Variants in SIPA1L1 observed in about 807,000 individuals in gnomAD.
SIPA1L1 encodes the protein signal-induced proliferation-associated 1-like protein 1.
In SIPA1L1, 26 loss-of-function variants were observed where a neutral mutation model predicts 162.7. The ratio of observed to expected loss-of-function variants is 0.16; its 90% CI spans 0.12 to 0.22. The LOEUF is 0.22. Ranked by LOEUF, SIPA1L1 falls within the 10% of genes least tolerant of loss-of-function variation. SIPA1L1 has a pLI of 1.00. For synonymous variants in SIPA1L1, 829 were observed against 837.4 expected (o/e 0.99, Z 0.17); for missense variants, 1,874 against 2,241.0 (o/e 0.84, Z 3.31).
chr14:71,471,304 A>G (rs1442098834), intron 2 of SIPA1L1, among the ~76,000 whole-genome samples: 3 of 152,172 alleles, frequency 2.0e-5, no homozygotes, highest in Middle Eastern at 6.3e-3. Context: ...CTCCATCTCT[A>G]CTAAGAATAC....
chr14:71,664,347 C>A (rs1451492993), intron 10 of SIPA1L1, among the ~76,000 whole-genome samples: 1 of 152,126 alleles, frequency 6.6e-6, no homozygotes, highest in South Asian at 2.1e-4. Context: ...TTATTTAAAT[C>A]TAATTTAATT....
intron 4 of SIPA1L1, chr14:71,574,988 G>A (rs1355780116): frequency 6.6e-6 from 1 of 152,130 alleles, no homozygotes; most frequent in African/African-American, 2.4e-5. Context: ...AAGATACTTT[G>A]TTTGCTCCTG....
intron 17 of SIPA1L1, among the ~76,000 whole-genome samples, chr14:71,714,843 T>C (rs972791982): frequency 6.6e-6 from 1 of 152,202 alleles, no homozygotes; most frequent in African/African-American, 2.4e-5. Context: ...TGGCCTCCCA[T>C]AGTGCAGGAA....
intron 2 of SIPA1L1, among the ~76,000 whole-genome samples, chr14:71,430,366 T>C (rs2043893050): frequency 6.6e-6 from 1 of 152,220 alleles, no homozygotes; most frequent in Admixed American, 6.5e-5. Context: ...TCAGAAGCTT[T>C]GGTTTTTGAA....
chr14:71,423,640 T>A (rs530302850), intron 2 of SIPA1L1, among the ~76,000 whole-genome samples: 6 of 152,296 alleles, frequency 3.9e-5, no homozygotes. Flanking sequence ...AAGCTTATTC[T>A]GGGCTCTGTA....
At chr14:71,671,731 T>A in intron 11 of SIPA1L1, 39 bp downstream of exon 11, 1 of 1,478,600 alleles carries the variant, frequency 6.8e-7, no homozygotes, top group African/African-American at 1.4e-5. Context: ...GCAGTTTCTC[T>A]TTCATAAAGT....
At chr14:71,410,183 G>A (rs2042305278) in intron 2 of SIPA1L1, among the ~76,000 whole-genome samples, 1 of 152,158 alleles carries the variant, frequency 6.6e-6, no homozygotes, top group Admixed American at 6.5e-5. Flanking sequence ...CTTACTTTGT[G>A]TATGCTATTC....
chr14:71,501,236 G>A (rs574945463), intron 2 of SIPA1L1, among the ~76,000 whole-genome samples: 6 of 152,130 alleles, frequency 3.9e-5, no homozygotes, highest in African/African-American at 1.2e-4. Context: ...TGGGAGGATC[G>A]CTTGAGCCCA....
At chr14:71,487,827 G>C (rs1287803448) in intron 2 of SIPA1L1, among the ~76,000 whole-genome samples, 1 of 152,186 alleles carries the variant, frequency 6.6e-6, no homozygotes, top group Non-Finnish European at 1.5e-5. Flanking sequence ...CATTGTAGGA[G>C]ATCTGTATTC....
chr14:71,701,524 G>A (rs559695013), intron 14 of SIPA1L1, among the ~76,000 whole-genome samples: 27 of 152,022 alleles, frequency 1.8e-4, no homozygotes, highest in Admixed American at 1.8e-3. Context: ...CCCCTATTTG[G>A]TCTTTTATTA....
At chr14:71,504,352 C>G (rs867594746) in intron 2 of SIPA1L1, among the ~76,000 whole-genome samples, 1 of 152,176 alleles carries the variant, frequency 6.6e-6, no homozygotes, top group Middle Eastern at 3.4e-3. Flanking sequence ...CCGTGGGGAT[C>G]ATTTAGTTAT....
intron 2 of SIPA1L1, among the ~76,000 whole-genome samples, chr14:71,335,331 G>C (rs1333968188): frequency 6.6e-6 from 1 of 152,188 alleles, no homozygotes; most frequent in Non-Finnish European, 1.5e-5. Flanking sequence ...TTAGCCAACA[G>C]ATGTGGTGGT....
intron 17 of SIPA1L1, among the ~76,000 whole-genome samples, chr14:71,712,760 T>TA (rs1205658716): frequency 6.6e-6 from 1 of 152,220 alleles, no homozygotes; most frequent in Non-Finnish European, 1.5e-5. Flanking sequence ...ATGAGAAAGC[T>TA]AAAAACCCTA....
intron 16 of SIPA1L1, among the ~76,000 whole-genome samples, chr14:71,707,120 GACACACACACGCACGC>G (rs1263721873): frequency 1.3e-5 from 2 of 149,776 alleles, no homozygotes; most frequent in Non-Finnish European, 3.0e-5. Context: ...TCTACCAAAA[GACACACACACGCACGC>G]ACACACACAC....
intron 2 of SIPA1L1, among the ~76,000 whole-genome samples, chr14:71,376,591 C>T (rs1208877452): frequency 6.7e-6 from 1 of 150,264 alleles, no homozygotes; most frequent in East Asian, 1.9e-4. Context: ...ATTTATTGAT[C>T]ATTCTTGGGT....
intron 2 of SIPA1L1, among the ~76,000 whole-genome samples, chr14:71,443,933 A>C (rs1477313661): frequency 3.3e-5 from 5 of 152,182 alleles, no homozygotes; most frequent in African/African-American, 1.2e-4. Flanking sequence ...ATTCCTTGGC[A>C]CCTGCCTAGG....
intron 13 of SIPA1L1, among the ~76,000 whole-genome samples, chr14:71,692,516 A>G (rs2081324943): frequency 6.6e-6 from 1 of 152,234 alleles, no homozygotes; most frequent in South Asian, 2.1e-4. Flanking sequence ...CTTGCAGGAA[A>G]CAGCGTACTC....
At chr14:71,378,874 C>G (rs2039645887) in intron 2 of SIPA1L1, among the ~76,000 whole-genome samples, 1 of 152,082 alleles carries the variant, frequency 6.6e-6, no homozygotes, top group African/African-American at 2.4e-5. Context: ...TAATTATACT[C>G]TTGATGGTAA....
intron 2 of SIPA1L1, among the ~76,000 whole-genome samples, chr14:71,425,368 C>T (rs895690320): frequency 6.6e-6 from 1 of 152,052 alleles, no homozygotes; most frequent in African/African-American, 2.4e-5. Context: ...ATTTTCCTCT[C>T]AGCACTGCCT....
Sources: gnomAD v4.1 joint callset for allele counts (sites outside exome capture counted in the v4.1 genomes callset) on GRCh38, gnomAD v4.1.1 for gene constraint, MANE v1.5 for transcripts, NCBI Gene and HGNC (gene_info 2026-07-23, HGNC 2026-07-21) for gene names.